Variants in INVS observed in about 807,000 individuals in gnomAD.
The protein encoded by INVS is inversion of embryo turning homolog.
A neutral mutation model predicts 108.8 loss-of-function variants in INVS; 86 were observed. The ratio of observed to expected loss-of-function variants is 0.79; its 90% CI spans 0.66 to 0.95. The LOEUF is 0.95. INVS is among the 40% of genes least tolerant of loss of function. The probability of loss-of-function intolerance (pLI) is 0.00; values close to 1 mark genes in which losing one functional copy is unlikely to be tolerated. For synonymous variants in INVS, 455 were observed against 473.5 expected, an observed-to-expected ratio of 0.96 and a Z score of 0.51; for missense variants, 1,169 against 1,297.4, an observed-to-expected ratio of 0.90 and a Z score of 1.52.
intron 3 of INVS, among the ~76,000 whole-genome samples, chr9:100,188,174 TC>T (rs1830109089): frequency 6.6e-6 from 1 of 152,176 alleles, no homozygotes; most frequent in Non-Finnish European, 1.5e-5. Flanking sequence ...TTTCTTTCTT[TC>T]TCGTGCTGAT....
At chr9:100,283,036 C>T (rs1463664134) in intron 12 of INVS, among the ~76,000 whole-genome samples, 7 of 152,204 alleles carry the variant, frequency 4.6e-5, no homozygotes, top group African/African-American at 7.2e-5. Context: ...CAGCCGGGCG[C>T]GGTGGCTCAC....
chr9:100,282,414 G>A (rs1038823307), intron 12 of INVS, among the ~76,000 whole-genome samples: 2 of 152,134 alleles, frequency 1.3e-5, no homozygotes, highest in African/African-American at 4.8e-5. Context: ...CTCGGTAATG[G>A]GACTCAGTAG....
chr9:100,100,919 TATATATATA>T (rs1187991638), intron 1 of INVS, among the ~76,000 whole-genome samples: 38 of 25,218 alleles, frequency 1.5e-3, no homozygotes, highest in East Asian at 2.2e-3. Context: ...ATATTATATG[TATATATATA>T]ATATATATAA....
intron 8 of INVS, among the ~76,000 whole-genome samples, chr9:100,249,684 G>A (rs1197898278): frequency 2.0e-5 from 3 of 151,694 alleles, no homozygotes; most frequent in African/African-American, 7.3e-5. Flanking sequence ...AGTAGAGGCG[G>A]GGTTTCACCA....
intron 1 of INVS, among the ~76,000 whole-genome samples, chr9:100,100,699 TAC>T (rs1347728612): frequency 1.3e-4 from 1 of 7,820 alleles, no homozygotes; most frequent in African/African-American, 1.5e-3. Context: ...ATTATATATG[TAC>T]ATATAATATA....
At chr9:100,287,333 A>G (rs1377463072) in intron 13 of INVS, among the ~76,000 whole-genome samples, 1 of 152,218 alleles carries the variant, frequency 6.6e-6, no homozygotes, top group Non-Finnish European at 1.5e-5. Context: ...CACACATTAT[A>G]TTGATCAAAG....
intron 3 of INVS, among the ~76,000 whole-genome samples, chr9:100,182,758 A>AAG (rs1829931850): frequency 6.6e-6 from 1 of 152,082 alleles, no homozygotes; most frequent in Admixed American, 6.6e-5. Context: ...ATACTATTTA[A>AAG]CCCAGTAATC....
chr9:100,177,778 A>G (rs1337931815), intron 3 of INVS, among the ~76,000 whole-genome samples: 1 of 152,210 alleles, frequency 6.6e-6, no homozygotes, highest in Non-Finnish European at 1.5e-5. Context: ...GAGCTCTGCT[A>G]AGGGAAAGAC....
chr9:100,200,837 A>C (rs1428587983), intron 3 of INVS, among the ~76,000 whole-genome samples: 1 of 152,144 alleles, frequency 6.6e-6, no homozygotes, highest in East Asian at 1.9e-4. Flanking sequence ...TTATTCCATC[A>C]TTTTAATCTT....
intron 3 of INVS, among the ~76,000 whole-genome samples, chr9:100,138,840 G>A (rs1828324413): frequency 6.6e-6 from 1 of 151,716 alleles, no homozygotes; most frequent in Non-Finnish European, 1.5e-5. Context: ...CGAAGTAACA[G>A]GGATTACAGG....
At chr9:100,222,825 T>A (rs1056462877) in intron 3 of INVS, among the ~76,000 whole-genome samples, 1 of 151,916 alleles carries the variant, frequency 6.6e-6, no homozygotes, top group African/African-American at 2.4e-5. Flanking sequence ...CAAACTTTTT[T>A]TTTTTTTTTT....
chr9:100,257,014 A>G (rs948436701), intron 10 of INVS, among the ~76,000 whole-genome samples: 1 of 152,132 alleles, frequency 6.6e-6, no homozygotes, highest in African/African-American at 2.4e-5. Context: ...TGGGGTGTTA[A>G]AGCCTCCCAT....
intron 3 of INVS, among the ~76,000 whole-genome samples, chr9:100,164,876 T>A (rs1183972512): frequency 6.6e-6 from 1 of 151,616 alleles, no homozygotes; most frequent in Non-Finnish European, 1.5e-5. Context: ...TCCATCTCTC[T>A]TTGTTTCTTT....
intron 3 of INVS, among the ~76,000 whole-genome samples, chr9:100,198,749 C>T (rs373423433): frequency 3.3e-5 from 5 of 151,900 alleles, no homozygotes; most frequent in African/African-American, 4.8e-5. Context: ...TGCACCACCA[C>T]GCCTAGCTAA....
chr9:100,251,763 G>T (rs1463369929), intron 8 of INVS, among the ~76,000 whole-genome samples: 1 of 152,174 alleles, frequency 6.6e-6, no homozygotes, highest in Non-Finnish European at 1.5e-5. Context: ...ACTCAATGCA[G>T]CAAGATGTGC....
intron 7 of INVS, among the ~76,000 whole-genome samples, chr9:100,244,575 A>G (rs1027574286): frequency 6.6e-6 from 1 of 152,150 alleles, no homozygotes; most frequent in Non-Finnish European, 1.5e-5. Context: ...ATATAATAAT[A>G]TAATAATTGT....
In INVS at chr9:100,242,667, G is replaced by A; in HGVS notation, c.894G>A (p.Gln298=). The change falls in exon 7 of 17, where the codon CAG becomes CAA. Residue 298 remains glutamine, a synonymous_variant. Transcript: ENST00000262457. The part of the protein sequence containing the change: ...QGATPLHYAA[Q]SNFAETVKVF... ...CCACACCTTTGCACTATGCTGCTCA[G>A]AGTAACTTTGCTGTAAGTAAAACAA... 1 of 1,591,516 alleles carries A rather than the reference G, an allele frequency of 6.3e-7. No individual in the cohort carries two copies. The highest frequency in any genetic ancestry group is 8.6e-7 in the Non-Finnish European group (1 of 1,159,454).
chr9:100,250,978 A>G (rs1554726363), intron 8 of INVS, among the ~76,000 whole-genome samples: 2 of 151,690 alleles, frequency 1.3e-5, no homozygotes, highest in Non-Finnish European at 2.9e-5. Flanking sequence ...TCCTGTACTA[A>G]CTCTTCCCTT....
chr9:100,142,515 T>A (rs2118952490), intron 3 of INVS, among the ~76,000 whole-genome samples: 1 of 152,116 alleles, frequency 6.6e-6, no homozygotes, highest in South Asian at 2.1e-4. Flanking sequence ...GTCAGGTGGA[T>A]CAGAGAGATA....
Sources: gnomAD v4.1 joint callset for allele counts (sites outside exome capture counted in the v4.1 genomes callset) on GRCh38, gnomAD v4.1.1 for gene constraint, MANE v1.5 for transcripts, NCBI Gene and HGNC (gene_info 2026-07-23, HGNC 2026-07-21) for gene names.